The following SKP2 variants were observed in gnomAD, a reference collection of about 807,000 sequenced individuals.
The protein encoded by SKP2 is S-phase kinase associated protein 2, also known as S-phase kinase-associated protein 2.
A neutral mutation model predicts 51.8 loss-of-function variants in SKP2; 16 were observed. The ratio of observed to expected loss-of-function variants is 0.31; its 90% CI spans 0.21 to 0.47. The LOEUF (loss-of-function observed/expected upper bound fraction) is 0.47, where lower values mean the gene tolerates loss of function less well. Among genes scored for constraint, SKP2 ranks in the 20% least tolerant of loss-of-function variants. SKP2 has a pLI of 1.00. For synonymous variants in SKP2, 176 were observed against 198.6 expected (o/e 0.89, Z 0.96); for missense variants, 377 against 505.3 (o/e 0.75, Z 2.43).
At chr5:36,157,748 G>A (rs1370273488) in intron 2 of SKP2, among the ~76,000 whole-genome samples, 1 of 152,224 alleles carries the variant, frequency 6.6e-6, no homozygotes, top group Non-Finnish European at 1.5e-5. Flanking sequence ...TATGCTTAAA[G>A]AGCAGCAATT....
intron 6 of SKP2, among the ~76,000 whole-genome samples, chr5:36,192,402 T>A (rs1004569899): frequency 5.3e-5 from 8 of 152,220 alleles, no homozygotes; most frequent in African/African-American, 1.9e-4. Context: ...GATGCATAAA[T>A]AATATTGGTA....
intron 2 of SKP2, among the ~76,000 whole-genome samples, chr5:36,154,157 A>T (rs1402811284): frequency 2.0e-5 from 3 of 152,132 alleles, no homozygotes; most frequent in Non-Finnish European, 4.4e-5. Flanking sequence ...CCAAGAGGGA[A>T]TGCAGGTCTT....
intron 9 of SKP2, among the ~76,000 whole-genome samples, chr5:36,180,570 G>C (rs1745774703): frequency 6.6e-6 from 1 of 152,166 alleles, no homozygotes; most frequent in Non-Finnish European, 1.5e-5. Flanking sequence ...AATACATTTA[G>C]GGGAGTAGTG....
intron 2 of SKP2, among the ~76,000 whole-genome samples, chr5:36,163,128 A>C (rs1000513825): frequency 6.6e-5 from 10 of 152,204 alleles, no homozygotes. Context: ...CCATAGCAGA[A>C]AGGGAAGAAG....
intron 5 of SKP2, among the ~76,000 whole-genome samples, chr5:36,169,816 A>G (rs1001847367): frequency 2.0e-5 from 3 of 152,216 alleles, no homozygotes; most frequent in African/African-American, 4.8e-5. Context: ...CCAGGGTCAC[A>G]TTGTTAGTAG....
chr5:36,192,470 C>A (rs1746053376), intron 6 of SKP2: 1 of 152,128 alleles, frequency 6.6e-6, no homozygotes, highest in Non-Finnish European at 1.5e-5. Context: ...CACAACTAAG[C>A]AAAATATATA....
intron 2 of SKP2, among the ~76,000 whole-genome samples, chr5:36,158,920 A>C (rs1368402181): frequency 6.6e-6 from 1 of 152,182 alleles, no homozygotes; most frequent in Non-Finnish European, 1.5e-5. Context: ...CATCCCCTCC[A>C]TATGCCAACA....
chr5:36,160,995 C>G (rs1745104354), intron 2 of SKP2, among the ~76,000 whole-genome samples: 1 of 151,964 alleles, frequency 6.6e-6, no homozygotes, highest in African/African-American at 2.4e-5. Context: ...TGTGTATCTC[C>G]TACTCATTCT....
chr5:36,163,157 T>C lies in SKP2; in HGVS notation c.281-488T>C, dbSNP rs542171437. Among the ~76,000 whole-genome samples the C allele has an allele frequency of 7.7e-4, 117 of 152,252 alleles. 4 individuals are homozygous for C. The South Asian group carries it at 0.019, about 25-fold the overall frequency. On this transcript the variant is annotated intron_variant, in intron 2 of 9. Coordinates refer to ENST00000274255, the MANE Select transcript of SKP2 (RefSeq NM_005983.4). Reference sequence around the variant, plus strand: ...GAAGAAGATTTATTTGCCTTTTAAATAAGGTCACTACTGAGTCCACATCAG... The same window carrying C: ...GAAGAAGATTTATTTGCCTTTTAAACAAGGTCACTACTGAGTCCACATCAG...
intron 2 of SKP2, among the ~76,000 whole-genome samples, chr5:36,160,566 G>A (rs12656216): frequency 0.63 from 96,416 of 152,106 alleles, 33,489 homozygotes; most frequent in Non-Finnish European, 0.78. Flanking sequence ...TATAGTACAT[G>A]GTTAATAAAT....
At position 36,152,486 on chromosome 5, in the gene SKP2, G is replaced by A. The variant is rs143239170; in HGVS notation, c.8+216G>A. On this transcript the variant is annotated intron_variant, in intron 1 of 9. Coordinates refer to ENST00000274255, the MANE Select transcript of SKP2 (RefSeq NM_005983.4). Reference sequence around the variant, plus strand: ...TCCCTAATTGGGCTTTTCTGCCACCGTTTTCAATCAGTGTATGATTGCCCT... The same window carrying A: ...TCCCTAATTGGGCTTTTCTGCCACCATTTTCAATCAGTGTATGATTGCCCT... Among the ~76,000 whole-genome samples the A allele has an allele frequency of 5.6e-3, 860 of 152,260 alleles. 2 individuals are homozygous for A. The highest frequency in any genetic ancestry group is 0.01 in the Middle Eastern group (3 of 294).
chr5:36,168,761 A>C (rs1207894285), intron 5 of SKP2, among the ~76,000 whole-genome samples: 2 of 152,224 alleles, frequency 1.3e-5, no homozygotes, highest in East Asian at 3.9e-4. Context: ...GTTAAGCTAT[A>C]GTTTACCTTC....
chr5:36,174,897 G>A (rs180984973), intron 7 of SKP2, among the ~76,000 whole-genome samples: 144 of 152,258 alleles, frequency 9.5e-4, no homozygotes, highest in African/African-American at 3.4e-3. Context: ...AGGGAGCAGG[G>A]AGAACAGTGA....
At chr5:36,161,611 G>C (rs1745123457) in intron 2 of SKP2, among the ~76,000 whole-genome samples, 1 of 152,172 alleles carries the variant, frequency 6.6e-6, no homozygotes, top group Admixed American at 6.5e-5. Flanking sequence ...GTTTAACTTT[G>C]TACTAAGCAT....
intron 4 of SKP2, among the ~76,000 whole-genome samples, chr5:36,167,610 T>TA (rs1554085346): frequency 6.2e-5 from 5 of 80,062 alleles, no homozygotes; most frequent in Admixed American, 5.7e-4. Context: ...AAATTTGGCC[T>TA]CCCTTTTTTT....
intron 2 of SKP2, chr5:36,155,085 G>C (rs928421322): frequency 6.6e-6 from 1 of 152,162 alleles, no homozygotes; most frequent in Admixed American, 6.5e-5. Flanking sequence ...TTTGCAGAAG[G>C]GTTGATAGAT....
intron 2 of SKP2, 88 bp from the exon 3 acceptor site, chr5:36,163,557 T>C: frequency 1.3e-6 from 1 of 748,012 alleles, no homozygotes; most frequent in Non-Finnish European, 2.4e-6. Flanking sequence ...AAGCTAAATG[T>C]TGTATATTCT....
chr5:36,169,894 T>C (rs967921429), intron 5 of SKP2, among the ~76,000 whole-genome samples: 1 of 152,174 alleles, frequency 6.6e-6, no homozygotes, highest in African/African-American at 2.4e-5. Flanking sequence ...TCACTAAGTT[T>C]TACTAACACA....
At chr5:36,176,403 A>G (rs1008166347) in intron 7 of SKP2, among the ~76,000 whole-genome samples, 2 of 151,500 alleles carry the variant, frequency 1.3e-5, no homozygotes, top group Non-Finnish European at 3.0e-5. Context: ...TTATACCAAG[A>G]TTCAATTAAA....
Sources: gnomAD v4.1 joint callset for allele counts (sites outside exome capture counted in the v4.1 genomes callset) on GRCh38, gnomAD v4.1.1 for gene constraint, MANE v1.5 for transcripts, NCBI Gene and HGNC (gene_info 2026-07-23, HGNC 2026-07-21) for gene names.